UBOX5: variants seen among roughly 807,000 people sequenced by gnomAD.
UBOX5 encodes RING finger protein 37.
Under a neutral mutation model 39.0 loss-of-function variants are expected in UBOX5, and 28 were observed. That is an observed-to-expected ratio of 0.72 (90% CI 0.53 to 0.98). The LOEUF is 0.98. Among genes scored for constraint, UBOX5 ranks in the 50% least tolerant of loss-of-function variants. UBOX5 has a pLI of 0.00. For missense variants in UBOX5, 585 were observed against 674.4 expected (o/e 0.87, Z 1.47); for synonymous variants, 283 against 275.5 (o/e 1.03, Z -0.27).
chr20:3,146,835 G>A (rs536166513), intron 1 of UBOX5: 7 of 1,614,116 alleles, frequency 4.3e-6, no homozygotes, highest in East Asian at 2.2e-5. Context: ...AAGCGAGTTC[G>A]TTTCAGTAGT....
intron 1 of UBOX5, among the ~76,000 whole-genome samples, chr20:3,128,714 T>C (rs2066408142): frequency 1.3e-5 from 2 of 151,932 alleles, no homozygotes; most frequent in Non-Finnish European, 2.9e-5. Context: ...AATAAAAAGA[T>C]TAGTTAGGTG....
At chr20:3,133,230 A>G (rs2066443656) in intron 1 of UBOX5, among the ~76,000 whole-genome samples, 3 of 152,154 alleles carry the variant, frequency 2.0e-5, no homozygotes, top group Non-Finnish European at 4.4e-5. Context: ...TTGTTCCAAT[A>G]CCCTGGACTT....
intron 1 of UBOX5, among the ~76,000 whole-genome samples, chr20:3,131,004 G>T (rs1326694043): frequency 6.6e-6 from 1 of 151,976 alleles, no homozygotes; most frequent in African/African-American, 2.4e-5. Flanking sequence ...GGCCGAGGCG[G>T]GCAGATCATA....
intron 1 of UBOX5, chr20:3,146,880 G>C: frequency 6.2e-7 from 1 of 1,614,180 alleles, no homozygotes; most frequent in South Asian, 1.1e-5. Flanking sequence ...TCTACCACAC[G>C]GTAGCCAAGC....
chr20:3,124,513 T>C (rs1288783907), intron 1 of UBOX5, among the ~76,000 whole-genome samples: 1 of 152,196 alleles, frequency 6.6e-6, no homozygotes, highest in Non-Finnish European at 1.5e-5. Context: ...CCTCCCAAAG[T>C]GCTAAGATTA....
chr20:3,147,487 G>A (rs774613103), intron 1 of UBOX5: 2 of 1,614,202 alleles, frequency 1.2e-6, no homozygotes, highest in East Asian at 2.2e-5. Context: ...GATTGCCTCT[G>A]TAATCTGGAC....
chr20:3,146,642 G>T, intron 1 of UBOX5: 1 of 1,035,796 alleles, frequency 9.7e-7, no homozygotes, highest in Non-Finnish European at 1.4e-6. Flanking sequence ...GCTCTAACCT[G>T]CCTTGGATAC....
intron 3 of UBOX5, among the ~76,000 whole-genome samples, chr20:3,120,534 T>C (rs2066326885): frequency 6.7e-6 from 1 of 150,234 alleles, no homozygotes; most frequent in Non-Finnish European, 1.5e-5. Flanking sequence ...TAATCCCAGC[T>C]ACTCGGGAGG....
chr20:3,148,914 C>T, intron 1 of UBOX5: 1 of 1,614,088 alleles, frequency 6.2e-7, no homozygotes, highest in Non-Finnish European at 8.5e-7. Flanking sequence ...ACTTTTTTGG[C>T]AGAATGGCAG....
Position 3,109,569 on chromosome 20 carries a change from TGTGTGA to T in UBOX5, c.*531_*536del. 2 of 159,296 alleles carry T rather than the reference TGTGTGA, an allele frequency of 1.3e-5. No homozygotes were observed. Among genetic ancestry groups the T allele is most frequent in the South Asian group, 1.8e-4 (1 of 5,466 alleles). 9.9% of individuals were successfully genotyped at this position (159,296 alleles called of 1,614,324 possible). A position where few individuals can be genotyped will look rare whatever the true frequency, so the allele number is the denominator to read the frequency against. On this transcript the variant is annotated 3_prime_UTR_variant, in exon 5 of 5. Transcript: ENST00000217173. ...TGTGGGTGCAGGTGGGCGACAGGAG[TGTGTGA>T]CACAGACAGGCACTCCACCAGGAGG... is the stretch of plus-strand genomic sequence containing the variant.
At chr20:3,120,398 C>T (rs1054401638) in intron 3 of UBOX5, among the ~76,000 whole-genome samples, 6 of 149,432 alleles carry the variant, frequency 4.0e-5, no homozygotes, top group Admixed American at 6.7e-5. Flanking sequence ...TCTGTAATCC[C>T]GGCACTTTGG....
At chr20:3,119,216 A>T (rs2066316067) in intron 3 of UBOX5, among the ~76,000 whole-genome samples, 1 of 152,202 alleles carries the variant, frequency 6.6e-6, no homozygotes, top group African/African-American at 2.4e-5. Flanking sequence ...CCCTATGGAG[A>T]GGCCCACAAG....
At position 3,109,986 on chromosome 20, in the gene UBOX5, G is replaced by A. The variant is rs1017249535; in HGVS notation, c.*120C>T. 62 of 1,190,496 alleles carry A rather than the reference G, an allele frequency of 5.2e-5. No homozygotes were observed. Among genetic ancestry groups the A allele is most frequent in the African/African-American group, 2.9e-4 (19 of 66,534 alleles). The allele number at this position is 1,190,496 out of a possible 1,614,324, so 73.7% of individuals were successfully genotyped here. A position where few individuals can be genotyped will look rare whatever the true frequency, so the allele number is the denominator to read the frequency against. On this transcript the variant is annotated 3_prime_UTR_variant, in exon 5 of 5. Transcript: ENST00000217173. Reference sequence around the variant, plus strand: ...CCGTGAGGTGATGAAGAAGAGCCCCGGGAGGGAGCAGGCAGCTCTGTGCCT... The same window carrying A: ...CCGTGAGGTGATGAAGAAGAGCCCCAGGAGGGAGCAGGCAGCTCTGTGCCT...
intron 3 of UBOX5, among the ~76,000 whole-genome samples, chr20:3,120,269 C>T (rs1040879676): frequency 1.3e-5 from 2 of 150,874 alleles, no homozygotes; most frequent in Non-Finnish European, 2.9e-5. Flanking sequence ...ATCACTTGAA[C>T]CTGGGAGGCG....
rs553587986 is a variant in UBOX5, at chr20:3,112,582, G to A, written c.1418-2268C>T. ...GGGCTAACATGGCCTCCTGTAGGAA[G>A]AGCTGTGAGAATAAAAAGGGGCCAG... is the stretch of plus-strand genomic sequence containing the variant. On this transcript the variant is annotated intron_variant, in intron 4 of 4. Transcript: ENST00000217173. 2.6e-5 allele frequency among the ~76,000 whole-genome samples: 4 copies of A among 152,256 alleles called. 1 individual carries two copies. In the East Asian group the frequency reaches 7.7e-4, roughly 29 times the overall value.
At chr20:3,115,174 TG>T in intron 4 of UBOX5, 130 bp downstream of exon 4, 1 of 1,149,764 alleles carries the variant, frequency 8.7e-7, no homozygotes, top group Non-Finnish European at 1.2e-6. Flanking sequence ...TCTCCCAGGG[TG>T]GGTGTTGGAA....
At chr20:3,133,760 G>GA (rs966576251) in intron 1 of UBOX5, among the ~76,000 whole-genome samples, 5 of 150,566 alleles carry the variant, frequency 3.3e-5, no homozygotes, top group African/African-American at 7.3e-5. Flanking sequence ...TTTTTTTGGG[G>GA]GGGGGAAACA....
intron 1 of UBOX5, among the ~76,000 whole-genome samples, chr20:3,133,256 T>C (rs974444990): frequency 3.3e-5 from 5 of 152,204 alleles, no homozygotes; most frequent in Non-Finnish European, 5.9e-5. Flanking sequence ...GTCAGATGCC[T>C]TCTGCCTTAA....
At chr20:3,158,881 T>C (rs2066717456) in intron 1 of UBOX5, among the ~76,000 whole-genome samples, 2 of 152,228 alleles carry the variant, frequency 1.3e-5, no homozygotes, top group Admixed American at 1.3e-4. Flanking sequence ...CAGCCATTCT[T>C]ACTATTCACA....
Sources: allele counts gnomAD v4.1 joint callset (sites outside exome capture counted in the v4.1 genomes callset), GRCh38; gene constraint gnomAD v4.1.1; transcripts MANE v1.5; gene names NCBI Gene and HGNC (gene_info 2026-07-23, HGNC 2026-07-21).